The following CDH10 variants were observed in gnomAD, a reference collection of about 807,000 sequenced individuals.
The protein encoded by CDH10 is cadherin 10.
Under a neutral mutation model 73.1 loss-of-function variants are expected in CDH10, and 30 were observed. The ratio of observed to expected loss-of-function variants is 0.41; its 90% confidence interval spans 0.31 to 0.56. The LOEUF (loss-of-function observed/expected upper bound fraction) is 0.56, where lower values mean the gene tolerates loss of function less well. Ranked by LOEUF, CDH10 falls within the 20% of genes least tolerant of loss-of-function variation. The pLI is 0.27. For missense variants in CDH10, 815 were observed against 973.7 expected, an observed-to-expected ratio of 0.84 and a Z score of 2.17; for synonymous variants, 345 against 348.2, an observed-to-expected ratio of 0.99 and a Z score of 0.10.
chr5:24,639,888 T>C (rs897585277), intron 1 of CDH10, among the ~76,000 whole-genome samples: 3 of 151,796 alleles, frequency 2.0e-5, no homozygotes, highest in Non-Finnish European at 3.0e-5. Context: ...TTCTACATTC[T>C]GATAATTTGG....
chr5:24,497,173 A>G (rs1040802503), intron 9 of CDH10, among the ~76,000 whole-genome samples: 1 of 152,144 alleles, frequency 6.6e-6, no homozygotes, highest in African/African-American at 2.4e-5. Context: ...TCTATTTTGT[A>G]TATTTTGAAT....
chr5:24,551,663 G>A (rs1744551532), intron 2 of CDH10, among the ~76,000 whole-genome samples: 1 of 152,090 alleles, frequency 6.6e-6, no homozygotes, highest in South Asian at 2.1e-4. Context: ...TGTGGTGTGA[G>A]CAACAGATCT....
At chr5:24,520,981 A>G (rs1385203213) in intron 5 of CDH10, among the ~76,000 whole-genome samples, 2 of 151,668 alleles carry the variant, frequency 1.3e-5, no homozygotes, top group Non-Finnish European at 2.9e-5. Flanking sequence ...TCGGCCTCCC[A>G]AAGCATGAGC....
At chr5:24,584,445 CTTT>C (rs34192671) in intron 2 of CDH10, among the ~76,000 whole-genome samples, 24 of 28,088 alleles carry the variant, frequency 8.5e-4, no homozygotes, top group Non-Finnish European at 1.5e-3. Flanking sequence ...CTTTCTTTTC[CTTT>C]TTTTTTTTTT....
chr5:24,605,312 A>T (rs1289871399), intron 1 of CDH10, among the ~76,000 whole-genome samples: 1 of 152,240 alleles, frequency 6.6e-6, no homozygotes, highest in Non-Finnish European at 1.5e-5. Flanking sequence ...GTGACCAAGC[A>T]TTAGCACCTG....
rs1001227038 is a variant in CDH10, at chr5:24,586,843, C to CTTTTTTTTTTTTTTTTTTT, written c.231+6398_231+6416dup. On this transcript the variant is annotated intron_variant, in intron 2 of 11. Transcript: ENST00000264463. ...GTAAAACAATAAGATAGCCCATATTCTTTTTTTTTTTTTTTTTTTGAGCCG... is the reference window on the plus strand; with the variant it reads ...GTAAAACAATAAGATAGCCCATATTCTTTTTTTTTTTTTTTTTTTTTTTTTTTTTTTTTTTTTTGAGCCG... 3.1e-4 allele frequency among the ~76,000 whole-genome samples: 32 copies of CTTTTTTTTTTTTTTTTTTT among 102,758 alleles called. 2 individuals are homozygous for CTTTTTTTTTTTTTTTTTTT. Among genetic ancestry groups the CTTTTTTTTTTTTTTTTTTT allele is most frequent in the African/African-American group, 1.1e-3 (26 of 23,782 alleles). 67.4% of individuals were successfully genotyped at this position (102,758 alleles called of 152,430 possible).
intron 7 of CDH10, 27 bp downstream of exon 7, chr5:24,509,539 G>C (rs775846051): frequency 2.5e-6 from 4 of 1,610,112 alleles, no homozygotes; most frequent in Non-Finnish European, 3.4e-6. Context: ...GAGCCCGGCT[G>C]TTTTCATTTT....
chr5:24,621,426 T>C (rs1747313736), intron 1 of CDH10, among the ~76,000 whole-genome samples: 2 of 152,074 alleles, frequency 1.3e-5, no homozygotes, highest in Non-Finnish European at 2.9e-5. Flanking sequence ...ACAAGTACAA[T>C]AAATAAGTAA....
intron 9 of CDH10, among the ~76,000 whole-genome samples, chr5:24,493,590 T>C (rs1429489105): frequency 2.0e-5 from 3 of 151,924 alleles, no homozygotes; most frequent in African/African-American, 4.8e-5. Flanking sequence ...GCTTTGGACA[T>C]ATGATATGAT....
chr5:24,600,894 G>C (rs181139395), intron 1 of CDH10, among the ~76,000 whole-genome samples: 2 of 152,086 alleles, frequency 1.3e-5, no homozygotes, highest in Non-Finnish European at 2.9e-5. Context: ...GGAGTTCAAA[G>C]CAGCTAATCC....
intron 9 of CDH10, among the ~76,000 whole-genome samples, chr5:24,494,867 G>A (rs1339771383): frequency 6.6e-6 from 1 of 152,086 alleles, no homozygotes; most frequent in Non-Finnish European, 1.5e-5. Flanking sequence ...ATGTGTTGCA[G>A]AATCTATATT....
intron 5 of CDH10, among the ~76,000 whole-genome samples, chr5:24,517,647 A>G (rs1743158585): frequency 6.6e-6 from 1 of 152,146 alleles, no homozygotes. Flanking sequence ...ATATTTGTGG[A>G]TTATATGTAA....
intron 2 of CDH10, among the ~76,000 whole-genome samples, chr5:24,563,718 C>T (rs1745051647): frequency 6.8e-6 from 1 of 147,370 alleles, no homozygotes; most frequent in Non-Finnish European, 1.5e-5. Flanking sequence ...TGCAGTGAGC[C>T]GAGATCCTGC....
chr5:24,604,898 A>AAAAAAAAAC (rs1746703525), intron 1 of CDH10, among the ~76,000 whole-genome samples: 1 of 147,496 alleles, frequency 6.8e-6, no homozygotes, highest in African/African-American at 2.6e-5. Context: ...AAAAAAAACA[A>AAAAAAAAAC]AAACAAACAA....
intron 11 of CDH10, among the ~76,000 whole-genome samples, chr5:24,489,291 T>G (rs1030851490): frequency 6.6e-6 from 1 of 152,132 alleles, no homozygotes; most frequent in Non-Finnish European, 1.5e-5. Context: ...TAACATGGAA[T>G]GCACAGACTA....
intron 1 of CDH10, among the ~76,000 whole-genome samples, chr5:24,597,612 GT>G (rs1746416559): frequency 6.6e-6 from 1 of 151,956 alleles, no homozygotes; most frequent in Admixed American, 6.6e-5. Context: ...TGTCAACTAT[GT>G]TTTTCTTTAT....
chr5:24,545,548 C>T (rs947091559), intron 2 of CDH10, among the ~76,000 whole-genome samples: 1 of 152,068 alleles, frequency 6.6e-6, no homozygotes, highest in African/African-American at 2.4e-5. Context: ...TGGCATGTGG[C>T]TCATACCTAT....
chr5:24,597,293 T>C (rs1006378691), intron 1 of CDH10, among the ~76,000 whole-genome samples: 1 of 152,122 alleles, frequency 6.6e-6, no homozygotes, highest in Non-Finnish European at 1.5e-5. Flanking sequence ...AGATGCAACA[T>C]TTCTAATATG....
chr5:24,608,417 C>G (rs960122534), intron 1 of CDH10, among the ~76,000 whole-genome samples: 2 of 151,946 alleles, frequency 1.3e-5, no homozygotes, highest in East Asian at 1.9e-4. Flanking sequence ...CTCAGCCTCC[C>G]GAGTAACTGG....
Sources: gnomAD v4.1 joint callset for allele counts (sites outside exome capture counted in the v4.1 genomes callset) on GRCh38, gnomAD v4.1.1 for gene constraint, MANE v1.5 for transcripts, NCBI Gene and HGNC (gene_info 2026-07-23, HGNC 2026-07-21) for gene names.